MACROD2: variants seen among roughly 807,000 people sequenced by gnomAD.
The protein encoded by MACROD2 is ADP-ribose glycohydrolase MACROD2.
A neutral mutation model predicts 70.4 loss-of-function variants in MACROD2; 36 were observed. That is an observed-to-expected ratio of 0.51 (90% CI 0.39 to 0.68). The LOEUF (loss-of-function observed/expected upper bound fraction) is 0.68, where lower values mean the gene tolerates loss of function less well. Among genes scored for constraint, MACROD2 ranks in the 30% least tolerant of loss-of-function variants. The pLI is 0.00. For synonymous variants in MACROD2, 172 were observed against 178.8 expected (o/e 0.96, Z 0.30); for missense variants, 496 against 538.4 (o/e 0.92, Z 0.78).
At chr20:15,781,696 C>A (rs77963447) in intron 8 of MACROD2, among the ~76,000 whole-genome samples, 2 of 152,102 alleles carry the variant, frequency 1.3e-5, no homozygotes, top group Non-Finnish European at 2.9e-5. Flanking sequence ...AATATGTACA[C>A]ATTGGCTAGT....
intron 5 of MACROD2, among the ~76,000 whole-genome samples, chr20:14,868,331 G>C (rs185212499): frequency 6.6e-5 from 10 of 151,914 alleles, no homozygotes; most frequent in African/African-American, 2.4e-4. Context: ...GGGACTGCAG[G>C]TGTGTGCCAC....
At chr20:14,714,563 A>T (rs141168979) in intron 5 of MACROD2, among the ~76,000 whole-genome samples, 1 of 152,176 alleles carries the variant, frequency 6.6e-6, no homozygotes, top group Non-Finnish European at 1.5e-5. Flanking sequence ...CTTCGGTCTC[A>T]TCCTTCACCC....
chr20:14,635,428 A>G (rs6042828), intron 4 of MACROD2, among the ~76,000 whole-genome samples: 19,791 of 152,190 alleles, frequency 0.13, 2,177 homozygotes, highest in South Asian at 0.28. Context: ...AATACTGATC[A>G]TACTCATAAG....
intron 5 of MACROD2, among the ~76,000 whole-genome samples, chr20:15,110,179 T>A (rs2075943727): frequency 6.6e-6 from 1 of 152,174 alleles, no homozygotes; most frequent in Non-Finnish European, 1.5e-5. Context: ...GTCTTGTCAA[T>A]GCTCCTGTGC....
At chr20:15,208,397 C>A (rs187734462) in intron 5 of MACROD2, among the ~76,000 whole-genome samples, 1 of 152,184 alleles carries the variant, frequency 6.6e-6, no homozygotes, top group Admixed American at 6.5e-5. Context: ...GTTTTAACAC[C>A]TGTGTCATCT....
chr20:15,481,529 G>T (rs2047097170), intron 7 of MACROD2, among the ~76,000 whole-genome samples: 1 of 152,152 alleles, frequency 6.6e-6, no homozygotes, highest in Admixed American at 6.6e-5. Flanking sequence ...ACAATAGAGA[G>T]AGATAATCTC....
At chr20:14,863,653 A>G (rs1225772329) in intron 5 of MACROD2, among the ~76,000 whole-genome samples, 1 of 152,142 alleles carries the variant, frequency 6.6e-6, no homozygotes, top group African/African-American at 2.4e-5. Flanking sequence ...TATATATAAC[A>G]TTAATATCAT....
intron 4 of MACROD2, among the ~76,000 whole-genome samples, chr20:14,579,962 T>C (rs1295794021): frequency 6.6e-6 from 1 of 152,216 alleles, no homozygotes; most frequent in Non-Finnish European, 1.5e-5. Flanking sequence ...AAGTGGAATC[T>C]AATCAGTAAG....
chr20:14,871,923 G>T (rs1390134616), intron 5 of MACROD2, among the ~76,000 whole-genome samples: 1 of 152,090 alleles, frequency 6.6e-6, no homozygotes, highest in Non-Finnish European at 1.5e-5. Flanking sequence ...AAAAGACCAA[G>T]AAGGGCATTA....
Position 15,280,895 on chromosome 20 carries a change from A to C in MACROD2, c.540+50834A>C, listed in dbSNP as rs550087519. The C allele has an allele frequency of 2.0e-5, 3 of 152,338 alleles. No homozygotes were observed. In the South Asian group the frequency reaches 6.2e-4, roughly 32 times the overall value. The allele number at this position is 152,338 out of a possible 1,614,324, so 9.4% of individuals were successfully genotyped here. ...TGTATTAGTCTGTTCTCATGCTGCT[A>C]TAAAGCAATACCTAAGACTGGGTAA... is the stretch of plus-strand genomic sequence containing the variant. On this transcript the variant is annotated intron_variant, in intron 6 of 17. Transcript: ENST00000684519.
At chr20:14,319,219 A>G (rs1188303674) in intron 3 of MACROD2, among the ~76,000 whole-genome samples, 1 of 151,428 alleles carries the variant, frequency 6.6e-6, no homozygotes, top group Non-Finnish European at 1.5e-5. Flanking sequence ...CTTCATACCA[A>G]CTCATTCCAT....
At chr20:14,859,570 T>A (rs2073292608) in intron 5 of MACROD2, among the ~76,000 whole-genome samples, 1 of 152,202 alleles carries the variant, frequency 6.6e-6, no homozygotes, top group Non-Finnish European at 1.5e-5. Context: ...TGGATATTTA[T>A]CTTTTAAGGC....
chr20:15,670,422 CAG>C (rs912519971), intron 8 of MACROD2, among the ~76,000 whole-genome samples: 4 of 152,180 alleles, frequency 2.6e-5, no homozygotes, highest in Non-Finnish European at 5.9e-5. Context: ...CAGACAGACT[CAG>C]GGTCTCCAGA....
At chr20:15,011,926 C>T (rs568864576) in intron 5 of MACROD2, among the ~76,000 whole-genome samples, 1 of 152,068 alleles carries the variant, frequency 6.6e-6, no homozygotes, top group African/African-American at 2.4e-5. Context: ...ATGTTATGAC[C>T]AGAGGACAAC....
intron 8 of MACROD2, among the ~76,000 whole-genome samples, chr20:15,508,935 A>G (rs1319870792): frequency 6.6e-6 from 1 of 152,228 alleles, no homozygotes; most frequent in Non-Finnish European, 1.5e-5. Context: ...AAAGCAGTAT[A>G]TTTTAGCAAA....
intron 6 of MACROD2, among the ~76,000 whole-genome samples, chr20:15,305,781 G>A (rs1017723690): frequency 2.0e-5 from 3 of 152,188 alleles, no homozygotes; most frequent in Non-Finnish European, 2.9e-5. Context: ...ACTATAGACC[G>A]TAACATATAA....
intron 5 of MACROD2, among the ~76,000 whole-genome samples, chr20:14,862,625 ATAT>A (rs2073375630): frequency 1.7e-4 from 2 of 11,458 alleles, no homozygotes; most frequent in Non-Finnish European, 3.7e-4. Context: ...AAATATATAT[ATAT>A]AAATATATAT....
chr20:14,022,440 CT>C (rs144434682), intron 2 of MACROD2, among the ~76,000 whole-genome samples: 21,618 of 133,076 alleles, frequency 0.16, 1,916 homozygotes, highest in East Asian at 0.33. Context: ...GAGCCCAATT[CT>C]TTTTTTTTTT....
chr20:15,104,795 A>C (rs577602902), intron 5 of MACROD2, among the ~76,000 whole-genome samples: 1 of 152,312 alleles, frequency 6.6e-6, no homozygotes, highest in African/African-American at 2.4e-5. Flanking sequence ...CATATTTAAA[A>C]AGCAATTTCA....
Sources: allele counts gnomAD v4.1 joint callset (sites outside exome capture counted in the v4.1 genomes callset), GRCh38; gene constraint gnomAD v4.1.1; transcripts MANE v1.5; gene names NCBI Gene and HGNC (gene_info 2026-07-23, HGNC 2026-07-21).